Variants in LRFN5 observed in about 807,000 individuals in gnomAD.
LRFN5 encodes leucine-rich repeat and fibronectin type-III domain-containing protein 5.
LRFN5 carries 24 observed loss-of-function variants against 45.6 expected under a neutral mutation model. The ratio of observed to expected loss-of-function variants is 0.53; its 90% CI spans 0.38 to 0.74. The LOEUF (loss-of-function observed/expected upper bound fraction) is 0.74. LRFN5 is among the 30% of genes least tolerant of loss of function. LRFN5 has a pLI of 0.00. For synonymous variants in LRFN5, 340 were observed against 313.8 expected (o/e 1.08, Z -0.88); for missense variants, 776 against 861.5 (o/e 0.90, Z 1.24).
At chr14:41,693,147 A>G (rs971674342) in intron 1 of LRFN5, among the ~76,000 whole-genome samples, 9 of 152,064 alleles carry the variant, frequency 5.9e-5, no homozygotes, top group Non-Finnish European at 1.3e-4. Context: ...GTGTAGAGCA[A>G]GTCTTGAAAT....
intron 1 of LRFN5, among the ~76,000 whole-genome samples, chr14:41,628,946 C>A (rs1888441137): frequency 6.6e-6 from 1 of 152,102 alleles, no homozygotes; most frequent in Non-Finnish European, 1.5e-5. Context: ...TCGAATCTAC[C>A]TTTCTGACTC....
At chr14:41,791,409 G>C (rs1259525171) in intron 2 of LRFN5, among the ~76,000 whole-genome samples, 1 of 151,952 alleles carries the variant, frequency 6.6e-6, no homozygotes, top group East Asian at 1.9e-4. Flanking sequence ...GAATGTACTT[G>C]CTTCTAAGGA....
At chr14:41,717,903 A>G (rs1883554840) in intron 1 of LRFN5, among the ~76,000 whole-genome samples, 1 of 152,172 alleles carries the variant, frequency 6.6e-6, no homozygotes, top group South Asian at 2.1e-4. Context: ...GTTTTAGACC[A>G]TGTATATTAT....
At chr14:41,772,592 TA>T (rs1422124240) in intron 2 of LRFN5, among the ~76,000 whole-genome samples, 7 of 152,080 alleles carry the variant, frequency 4.6e-5, no homozygotes, top group Admixed American at 3.9e-4. Flanking sequence ...CCTCAGACAA[TA>T]AAAAATTCTT....
At chr14:41,647,116 T>C (rs1290201161) in intron 1 of LRFN5, among the ~76,000 whole-genome samples, 2 of 152,182 alleles carry the variant, frequency 1.3e-5, no homozygotes, top group East Asian at 3.8e-4. Context: ...GTTCCCCTGA[T>C]GTTTATATTG....
intron 2 of LRFN5, among the ~76,000 whole-genome samples, chr14:41,802,341 G>T (rs1158565525): frequency 6.6e-6 from 1 of 152,074 alleles, no homozygotes; most frequent in Non-Finnish European, 1.5e-5. Flanking sequence ...TCAGAGGCAG[G>T]GAGGATTCTG....
rs1416139053 is a variant in LRFN5 at position 41,742,123 on chromosome 14, A to C, written c.-196-24731A>C. 3.9e-5 allele frequency among the ~76,000 whole-genome samples: 6 copies of C among 151,948 alleles called. No homozygotes were observed. In the East Asian group the frequency reaches 1.2e-3, roughly 30 times the overall value. ...ATAGTATGGAGATTTTCCAAGAACT[A>C]AAAGTAGATTCCATATGACCCCAAA... On this transcript the variant is annotated intron_variant, in intron 1 of 5. Coordinates refer to ENST00000298119, the MANE Select transcript of LRFN5 (RefSeq NM_152447.5).
At chr14:41,829,095 T>C (rs973731332) in intron 2 of LRFN5, among the ~76,000 whole-genome samples, 1 of 152,016 alleles carries the variant, frequency 6.6e-6, no homozygotes, top group Non-Finnish European at 1.5e-5. Context: ...GATGATAAAA[T>C]CACTCCTAGT....
At chr14:41,789,748 T>C (rs1311021220) in intron 2 of LRFN5, among the ~76,000 whole-genome samples, 1 of 151,972 alleles carries the variant, frequency 6.6e-6, no homozygotes, top group East Asian at 1.9e-4. Flanking sequence ...TTTCCCATCA[T>C]TTTTTCTGTA....
chr14:41,813,966 A>G lies in LRFN5; in HGVS notation c.-21+46937A>G, dbSNP rs576344262. On this transcript the variant is annotated intron_variant, in intron 2 of 5. Transcript: ENST00000298119. Reference sequence around the variant, plus strand: ...CTGGCCACATAAATGTCTTCTTCTGAAAAGTGTCTGTTCATATCCTTTGCC... The same window carrying G: ...CTGGCCACATAAATGTCTTCTTCTGGAAAGTGTCTGTTCATATCCTTTGCC... 5.3e-5 allele frequency among the ~76,000 whole-genome samples: 8 copies of G among 152,282 alleles called. No individual in the cohort carries two copies. The East Asian group carries it at 9.7e-4, about 18-fold the overall frequency.
chr14:41,781,232 A>T (rs1886469927), intron 2 of LRFN5, among the ~76,000 whole-genome samples: 1 of 152,012 alleles, frequency 6.6e-6, no homozygotes, highest in African/African-American at 2.4e-5. Flanking sequence ...GAATTTCCTT[A>T]GTTCTAAGGC....
At chr14:41,653,187 T>G (rs1880212742) in intron 1 of LRFN5, among the ~76,000 whole-genome samples, 1 of 152,176 alleles carries the variant, frequency 6.6e-6, no homozygotes, top group South Asian at 2.1e-4. Context: ...ATTTGTCAAT[T>G]TTTGCTTTTG....
chr14:41,802,962 T>C (rs941169508), intron 2 of LRFN5, among the ~76,000 whole-genome samples: 26 of 152,156 alleles, frequency 1.7e-4, no homozygotes, highest in African/African-American at 5.3e-4. Context: ...TATGTTCTTC[T>C]GTAAATGGAA....
At chr14:41,781,630 GAAAGGAAAGAAAGAAAGAGAA>G (rs1886521946) in intron 2 of LRFN5, among the ~76,000 whole-genome samples, 2 of 133,608 alleles carry the variant, frequency 1.5e-5, no homozygotes, top group African/African-American at 5.7e-5. Context: ...AAGAAAGAAA[GAAAGGAAAGAAAGAAAGAGAA>G]AGAAAGAAAG....
intron 4 of LRFN5, among the ~76,000 whole-genome samples, chr14:41,896,166 T>A (rs1488153970): frequency 1.3e-5 from 2 of 152,212 alleles, no homozygotes; most frequent in Admixed American, 6.5e-5. Context: ...TAAGATTTTT[T>A]AAAATTCCAA....
At chr14:41,832,364 A>G (rs1330424705) in intron 2 of LRFN5, among the ~76,000 whole-genome samples, 1 of 152,204 alleles carries the variant, frequency 6.6e-6, no homozygotes, top group African/African-American at 2.4e-5. Flanking sequence ...TACCTTTTAT[A>G]TAATTATAGT....
intron 1 of LRFN5, among the ~76,000 whole-genome samples, chr14:41,752,019 G>T (rs1012520740): frequency 3.3e-5 from 5 of 152,012 alleles, no homozygotes; most frequent in Admixed American, 6.6e-5. Flanking sequence ...GCAGTGTTTG[G>T]TTTTTTGTCC....
At chr14:41,641,856 A>C (rs2138599482) in intron 1 of LRFN5, among the ~76,000 whole-genome samples, 1 of 152,252 alleles carries the variant, frequency 6.6e-6, no homozygotes, top group African/African-American at 2.4e-5. Flanking sequence ...TTGTTTTTAT[A>C]GTGCAAAATA....
At chr14:41,844,954 A>G (rs113860712) in intron 2 of LRFN5, among the ~76,000 whole-genome samples, 1,550 of 152,280 alleles carry the variant, frequency 0.01, 27 homozygotes, top group African/African-American at 0.036. Flanking sequence ...AAAATGTAAA[A>G]TTAAAAGATT....
Sources: gnomAD v4.1 joint callset for allele counts (sites outside exome capture counted in the v4.1 genomes callset) on GRCh38, gnomAD v4.1.1 for gene constraint, MANE v1.5 for transcripts, NCBI Gene and HGNC (gene_info 2026-07-23, HGNC 2026-07-21) for gene names.